Variants in PDE11A observed in about 807,000 individuals in gnomAD.
PDE11A encodes the protein phosphodiesterase 11A, also known as dual 3',5'-cyclic-AMP and -GMP phosphodiesterase 11A.
PDE11A carries 100 observed loss-of-function variants against 100.5 expected under a neutral mutation model. That is an observed-to-expected ratio of 1.00 (90% CI 0.85 to 1.18). PDE11A has a LOEUF of 1.18. Ranked by LOEUF, PDE11A falls within the 50% of genes most tolerant of loss-of-function variation. The pLI is 0.00. For missense variants in PDE11A, 1,141 were observed against 1,152.6 expected (o/e 0.99, Z 0.15); for synonymous variants, 381 against 420.8 (o/e 0.91, Z 1.16).
Position 177,623,647 on chromosome 2 carries a change from G to A in PDE11A, c.*5760C>T, listed in dbSNP as rs2079793232. 1 of 151,998 alleles carries A rather than the reference G, an allele frequency of 6.6e-6. No homozygotes were observed. The highest frequency in any genetic ancestry group is 2.4e-5 in the African/African-American group (1 of 41,392). 9.4% of individuals were successfully genotyped at this position (151,998 alleles called of 1,614,324 possible). On this transcript the variant is annotated 3_prime_UTR_variant, in exon 20 of 20. Coordinates refer to ENST00000286063, the MANE Select transcript of PDE11A (RefSeq NM_016953.4). ...TAGAGTAAAAGAAAAATTGAGATTCGAATACACACGCATATACACACAGAA... is the reference window on the plus strand; with the variant it reads ...TAGAGTAAAAGAAAAATTGAGATTCAAATACACACGCATATACACACAGAA...
At chr2:177,983,465 T>C (rs2085907174) in intron 2 of PDE11A, among the ~76,000 whole-genome samples, 1 of 152,114 alleles carries the variant, frequency 6.6e-6, no homozygotes, top group South Asian at 2.1e-4. Flanking sequence ...CCAAGTAGCT[T>C]TGAGAAAACT....
At chr2:177,785,594 T>G (rs2082521989) in intron 9 of PDE11A, among the ~76,000 whole-genome samples, 1 of 152,212 alleles carries the variant, frequency 6.6e-6, no homozygotes, top group Non-Finnish European at 1.5e-5. Flanking sequence ...ATTGCCTCAC[T>G]CGGGAAGCAC....
intron 15 of PDE11A, among the ~76,000 whole-genome samples, chr2:177,684,439 A>G (rs1435398182): frequency 1.3e-5 from 2 of 152,260 alleles, no homozygotes; most frequent in African/African-American, 4.8e-5. Context: ...TCCATAATGA[A>G]CACAACAACA....
chr2:177,676,919 G>A (rs1196870992), intron 16 of PDE11A, among the ~76,000 whole-genome samples: 2 of 152,194 alleles, frequency 1.3e-5, no homozygotes, highest in African/African-American at 2.4e-5. Context: ...CCTTCCCAAG[G>A]TGAGTAAATG....
rs544580257 is a variant in PDE11A at position 177,735,164 on chromosome 2, C to T, written c.1789-6992G>A. 4.4e-4 allele frequency among the ~76,000 whole-genome samples: 67 copies of T among 152,282 alleles called. No individual in the cohort carries two copies. The South Asian group carries it at 0.013, about 30-fold the overall frequency. On this transcript the variant is annotated intron_variant, in intron 10 of 19. Coordinates refer to ENST00000286063, the MANE Select transcript of PDE11A (RefSeq NM_016953.4). ...GGGAAACACGGGGCACCACAGGAAC[C>T]CCCGGGAGAGTTTAGTGAAATACAT...
chr2:177,937,984 A>T (rs552840716), intron 2 of PDE11A, among the ~76,000 whole-genome samples: 1 of 152,338 alleles, frequency 6.6e-6, no homozygotes, highest in African/African-American at 2.4e-5. Context: ...GGTAACTGTG[A>T]GTATTACCAA....
intron 1 of PDE11A, among the ~76,000 whole-genome samples, chr2:178,024,191 C>A (rs1439800184): frequency 6.6e-6 from 1 of 152,110 alleles, no homozygotes; most frequent in Non-Finnish European, 1.5e-5. Context: ...GTGGGTGAAT[C>A]ACCTGAGGTC....
intron 2 of PDE11A, among the ~76,000 whole-genome samples, chr2:177,939,535 GGAAGGA>G (rs2085321530): frequency 1.3e-4 from 11 of 83,396 alleles, no homozygotes; most frequent in Non-Finnish European, 2.0e-4. Flanking sequence ...GAGGGAGGAA[GGAAGGA>G]AGGAAGGAAG....
intron 19 of PDE11A, among the ~76,000 whole-genome samples, chr2:177,640,286 T>G (rs1220403496): frequency 6.6e-6 from 1 of 152,248 alleles, no homozygotes; most frequent in African/African-American, 2.4e-5. Context: ...ATGATCACTT[T>G]ACTACCATGA....
At chr2:177,756,779 T>C (rs2082096430) in intron 10 of PDE11A, among the ~76,000 whole-genome samples, 1 of 152,260 alleles carries the variant, frequency 6.6e-6, no homozygotes, top group African/African-American at 2.4e-5. Context: ...TCTAGAATGT[T>C]GAAGGCTAAG....
chr2:177,657,080 T>C (rs766529240), intron 19 of PDE11A, among the ~76,000 whole-genome samples: 10 of 152,186 alleles, frequency 6.6e-5, no homozygotes, highest in Non-Finnish European at 1.0e-4. Context: ...AAAAACATCA[T>C]TTTGTCAAAA....
chr2:177,882,887 A>G (rs1469234728), intron 4 of PDE11A, among the ~76,000 whole-genome samples: 1 of 152,214 alleles, frequency 6.6e-6, no homozygotes, highest in African/African-American at 2.4e-5. Flanking sequence ...ACCAAAATAA[A>G]AATTATCTAC....
At chr2:177,826,144 G>A (rs569366669) in intron 6 of PDE11A, among the ~76,000 whole-genome samples, 5 of 152,214 alleles carry the variant, frequency 3.3e-5, no homozygotes, top group East Asian at 3.9e-4. Context: ...ATATTTCTGC[G>A]AGTGCTTAGT....
chr2:177,652,412 G>A (rs2080324425), intron 19 of PDE11A, among the ~76,000 whole-genome samples: 1 of 152,174 alleles, frequency 6.6e-6, no homozygotes, highest in African/African-American at 2.4e-5. Context: ...GGCACGGGGT[G>A]TGGAACATTT....
At chr2:177,937,200 G>A (rs2085285476) in intron 2 of PDE11A, among the ~76,000 whole-genome samples, 1 of 151,728 alleles carries the variant, frequency 6.6e-6, no homozygotes, top group South Asian at 2.1e-4. Flanking sequence ...GCTCACAGTT[G>A]GATGATACAC....
chr2:177,878,500 A>G (rs2084277190), intron 4 of PDE11A, among the ~76,000 whole-genome samples: 1 of 152,152 alleles, frequency 6.6e-6, no homozygotes, highest in Admixed American at 6.5e-5. Context: ...AACTACCCTC[A>G]GGCCACTATG....
chr2:177,948,224 C>T (rs904764533), intron 2 of PDE11A, among the ~76,000 whole-genome samples: 2 of 151,938 alleles, frequency 1.3e-5, no homozygotes, highest in African/African-American at 4.8e-5. Context: ...AGAAATTTTC[C>T]AATTTTTTGA....
In PDE11A at chr2:177,663,746, C is replaced by T. The variant is rs77306810; in HGVS notation, c.2646+120G>A. The T allele has an allele frequency of 8.7e-4, 626 of 722,296 alleles. 5 individuals carry two copies. The African/African-American group carries it at 9.3e-3, about 11-fold the overall frequency. The allele number at this position is 722,296 out of a possible 1,614,324, so 44.7% of individuals were successfully genotyped here. On this transcript the variant is annotated intron_variant, in intron 19 of 19. Transcript: ENST00000286063. The stretch of plus-strand genomic sequence containing the variant: ...AAATCCAAGAAAGACAAACTGCAGC[C>T]AGAGCTCTCCGCAATGTGCATACCC...
chr2:178,070,341 T>C (rs566902550), intron 1 of PDE11A, among the ~76,000 whole-genome samples: 71 of 152,356 alleles, frequency 4.7e-4, no homozygotes, highest in Non-Finnish European at 7.2e-4. Flanking sequence ...TAGTACAAGC[T>C]AGTCAATTTT....
Sources: allele counts gnomAD v4.1 joint callset (sites outside exome capture counted in the v4.1 genomes callset), GRCh38; gene constraint gnomAD v4.1.1; transcripts MANE v1.5; gene names NCBI Gene and HGNC (gene_info 2026-07-23, HGNC 2026-07-21).